The following IKBKB-DT variants were observed in gnomAD, a reference collection of about 807,000 sequenced individuals.
The protein encoded by IKBKB-DT is IKBKB divergent transcript.
At chr8:42,236,315 C>T (rs187667813) in intron 3 of IKBKB-DT, among the ~76,000 whole-genome samples, 120 of 151,042 alleles carry the variant, frequency 7.9e-4, no homozygotes, top group Admixed American at 2.4e-3. Context: ...CTTTTTCAGC[C>T]ATGCTTCCTA....
chr8:42,260,005 A>G (rs1434750581), intron 3 of IKBKB-DT, among the ~76,000 whole-genome samples: 2 of 151,360 alleles, frequency 1.3e-5, no homozygotes, highest in Non-Finnish European at 2.9e-5. Context: ...CAAAAAAAAA[A>G]GAGAGAGAAA....
chr8:42,253,324 A>G (rs1382741494), intron 3 of IKBKB-DT, among the ~76,000 whole-genome samples: 4 of 152,144 alleles, frequency 2.6e-5, no homozygotes, highest in African/African-American at 9.7e-5. Flanking sequence ...GTATTTCTCA[A>G]ATGTATTTGA....
At chr8:42,248,495 A>T (rs1807089228) in intron 3 of IKBKB-DT, among the ~76,000 whole-genome samples, 1 of 152,218 alleles carries the variant, frequency 6.6e-6, no homozygotes, top group South Asian at 2.1e-4. Context: ...TTAGAGCCCA[A>T]TGTTACTGCT....
intron 3 of IKBKB-DT, among the ~76,000 whole-genome samples, chr8:42,262,735 G>C (rs1807308344): frequency 6.7e-6 from 1 of 148,164 alleles, no homozygotes; most frequent in African/African-American, 2.5e-5. Context: ...CACCATGCCT[G>C]GCCTATTTTT....
intron 3 of IKBKB-DT, among the ~76,000 whole-genome samples, chr8:42,246,090 G>T (rs146193311): frequency 3.3e-5 from 5 of 152,140 alleles, no homozygotes; most frequent in African/African-American, 1.2e-4. Context: ...AGGCTAGAGC[G>T]CAGTGGCACA....
exon 1 of IKBKB-DT, chr8:42,271,070 T>G (rs1202292451): frequency 3.4e-6 from 1 of 297,534 alleles, no homozygotes; most frequent in African/African-American, 2.3e-5. Flanking sequence ...TGGAAGTAAC[T>G]TGTCTAAAGA....
At chr8:42,234,530 G>T (rs2129895989) in intron 3 of IKBKB-DT, among the ~76,000 whole-genome samples, 1 of 152,320 alleles carries the variant, frequency 6.6e-6, no homozygotes, top group Non-Finnish European at 1.5e-5. Context: ...TGATGTGTCT[G>T]ACTGCATTTG....
Position 42,250,317 on chromosome 8 carries a change from A to C in IKBKB-DT, n.1529+13012T>G, listed in dbSNP as rs113685671. Among the ~76,000 whole-genome samples the C allele has an allele frequency of 3.0e-3, 452 of 152,260 alleles. 5 individuals are homozygous for C. The highest frequency in any genetic ancestry group is 0.024 in the Middle Eastern group (7 of 294). ...AGGTGGAGCCATCGGTATCAGACAT[A>C]CAAAAAAACCTGAAAAGACATCTCA... On this transcript the variant is annotated intron_variant and non_coding_transcript_variant, in intron 3 of 3. Coordinates refer to ENST00000518213, the Ensembl canonical transcript of IKBKB-DT.
At chr8:42,242,216 AAAAT>A (rs963016016) in intron 3 of IKBKB-DT, among the ~76,000 whole-genome samples, 7 of 152,122 alleles carry the variant, frequency 4.6e-5, no homozygotes, top group East Asian at 1.9e-4. Context: ...CTCCATCTCA[AAAAT>A]AAATAAATAA....
At chr8:42,250,167 G>A (rs752549657) in intron 3 of IKBKB-DT, among the ~76,000 whole-genome samples, 7 of 152,070 alleles carry the variant, frequency 4.6e-5, no homozygotes, top group Non-Finnish European at 7.3e-5. Context: ...GAAAGGGGTT[G>A]GGGTGACTAG....
intron 2 of IKBKB-DT, among the ~76,000 whole-genome samples, chr8:42,263,898 G>C (rs1241012634): frequency 6.6e-6 from 1 of 152,158 alleles, no homozygotes; most frequent in Admixed American, 6.6e-5. Context: ...TGCAACCTCT[G>C]CCTCCTGGGT....
At chr8:42,234,638 T>A (rs1355537955) in intron 3 of IKBKB-DT, among the ~76,000 whole-genome samples, 1 of 152,106 alleles carries the variant, frequency 6.6e-6, no homozygotes, top group Non-Finnish European at 1.5e-5. Context: ...TCTATTTTAT[T>A]TTATATTTTG....
At chr8:42,247,731 G>A (rs547544480) in intron 3 of IKBKB-DT, among the ~76,000 whole-genome samples, 4 of 152,226 alleles carry the variant, frequency 2.6e-5, no homozygotes, top group African/African-American at 7.2e-5. Context: ...GGGAGTTCTC[G>A]TGAGATCTGA....
intron 3 of IKBKB-DT, among the ~76,000 whole-genome samples, chr8:42,236,751 C>G (rs1335163028): frequency 6.6e-6 from 1 of 152,138 alleles, no homozygotes; most frequent in Admixed American, 6.6e-5. Context: ...GAGTGAAACT[C>G]CATCACACAC....
intron 1 of IKBKB-DT, among the ~76,000 whole-genome samples, chr8:42,268,724 G>C (rs1807412307): frequency 6.7e-6 from 1 of 150,004 alleles, no homozygotes. Flanking sequence ...CTGCCACCAC[G>C]CCCAGCTAAT....
intron 1 of IKBKB-DT, among the ~76,000 whole-genome samples, chr8:42,267,058 T>C (rs996048062): frequency 6.7e-6 from 1 of 149,456 alleles, no homozygotes; most frequent in African/African-American, 2.5e-5. Flanking sequence ...TGGAGTACAC[T>C]GGCGCGATCT....
At position 42,264,127 on chromosome 8, in the gene IKBKB-DT, G is replaced by T. The variant is rs1807335283; in HGVS notation, n.1386-655C>A. On this transcript the variant is annotated intron_variant and non_coding_transcript_variant, in intron 2 of 3. Coordinates refer to ENST00000518213, the Ensembl canonical transcript of IKBKB-DT. ...ACGCCCAGCTGGGCTTTTTTTTTTG[G>T]TATTTAAGTATACATAGATAATTAT... 2.0e-5 allele frequency among the ~76,000 whole-genome samples: 3 copies of T among 148,910 alleles called. No homozygotes were observed. In the South Asian group the frequency reaches 6.4e-4, roughly 32 times the overall value.
At chr8:42,265,286 C>T (rs1807355232) in intron 2 of IKBKB-DT, among the ~76,000 whole-genome samples, 1 of 152,214 alleles carries the variant, frequency 6.6e-6, no homozygotes, top group African/African-American at 2.4e-5. Flanking sequence ...TGCACACCAC[C>T]ACACCCGGGC....
chr8:42,256,564 C>G (rs549736018), intron 3 of IKBKB-DT, among the ~76,000 whole-genome samples: 4 of 152,082 alleles, frequency 2.6e-5, no homozygotes, highest in Non-Finnish European at 5.9e-5. Context: ...AAGAGCAAAA[C>G]TCCATCTCAA....
Sources: gnomAD v4.1 joint callset for allele counts (sites outside exome capture counted in the v4.1 genomes callset) on GRCh38, gnomAD v4.1.1 for gene constraint, MANE v1.5 for transcripts, NCBI Gene and HGNC (gene_info 2026-07-23, HGNC 2026-07-21) for gene names.